Variants in ZFR observed in about 807,000 individuals in gnomAD.
ZFR encodes zinc finger RNA-binding protein.
ZFR carries 19 observed loss-of-function variants against 130.7 expected under a neutral mutation model. The observed-to-expected ratio is 0.15, with a 90% CI of 0.10 to 0.21. ZFR has a LOEUF of 0.21. Ranked by LOEUF, ZFR falls within the 10% of genes least tolerant of loss-of-function variation. ZFR has a pLI of 1.00. For missense variants in ZFR, 872 were observed against 1,321.5 expected, an observed-to-expected ratio of 0.66 and a Z score of 5.27; for synonymous variants, 466 against 456.9, an observed-to-expected ratio of 1.02 and a Z score of -0.25.
intron 5 of ZFR, among the ~76,000 whole-genome samples, chr5:32,408,286 C>G (rs1490312595): frequency 6.9e-6 from 1 of 145,386 alleles, no homozygotes; most frequent in Non-Finnish European, 1.5e-5. Context: ...GTCTGGCATA[C>G]TGCTTCCTGT....
chr5:32,414,390 C>A (rs1386987666), intron 5 of ZFR, among the ~76,000 whole-genome samples: 1 of 152,142 alleles, frequency 6.6e-6, no homozygotes, highest in Non-Finnish European at 1.5e-5. Context: ...TAGAAATTGG[C>A]AACAGCAGTG....
At chr5:32,419,792 C>T (rs1394212988) in intron 3 of ZFR, 29 bp downstream of exon 3, 10 of 1,557,724 alleles carry the variant, frequency 6.4e-6, no homozygotes, top group Non-Finnish European at 6.1e-6. Context: ...CCCGCACATT[C>T]AGGCTACCAA....
chr5:32,355,914 C>T lies in ZFR; in HGVS notation c.3071G>A (p.Arg1024His). ...CATGCCTAGAACTTTGTGTATCTGG[C>T]GGAATGCAAGGAGTCTCAATGCAAA... ...AQFALRLLAF[R>H]QIHKVLGMDP... Residue 1024 changes from arginine to histidine, a missense_variant, in exon 20 of 20, where the codon CGC becomes CAC. Physicochemically the swap from Arg to His is conservative, Grantham distance 29. This residue lies in a region of ZFR where 158 missense variants were observed against 264.0 expected (regional missense o/e 0.60). Coordinates refer to ENST00000265069, the MANE Select transcript of ZFR (RefSeq NM_016107.5). 1 of 1,591,374 alleles carries T rather than the reference C, an allele frequency of 6.3e-7. No individual in the cohort carries two copies. The highest frequency in any genetic ancestry group is 8.5e-7 in the Non-Finnish European group (1 of 1,172,468).
intron 5 of ZFR, among the ~76,000 whole-genome samples, chr5:32,414,709 T>G (rs1284643887): frequency 6.6e-6 from 1 of 152,180 alleles, no homozygotes; most frequent in Non-Finnish European, 1.5e-5. Flanking sequence ...TTCCTTTAAT[T>G]GCAATGCTAA....
chr5:32,411,724 T>C (rs1274493043), intron 5 of ZFR, among the ~76,000 whole-genome samples: 1 of 69,756 alleles, frequency 1.4e-5, no homozygotes, highest in African/African-American at 5.7e-5. Flanking sequence ...GGGCGGGGAA[T>C]AGAAAATATA....
rs1389193125 is a variant in ZFR at position 32,444,105 on chromosome 5, G to A, written c.137+124C>T. The A allele has an allele frequency of 6.5e-6, 7 of 1,074,216 alleles. No individual in the cohort carries two copies. In the African/African-American group the frequency reaches 1.0e-4, roughly 15 times the overall value. 66.5% of individuals were successfully genotyped at this position (1,074,216 alleles called of 1,614,324 possible). A position where few individuals can be genotyped will look rare whatever the true frequency, so the allele number is the denominator to read the frequency against. ...CGGGAGAGGCCGCCGGGCTGGGCCGGGCCAGGCCTGCAGCGGGCCGGGGCT... is the reference window on the plus strand; with the variant it reads ...CGGGAGAGGCCGCCGGGCTGGGCCGAGCCAGGCCTGCAGCGGGCCGGGGCT... On this transcript the variant is annotated intron_variant, in intron 2 of 19. Transcript: ENST00000265069.
chr5:32,380,916 C>T (rs1250849424), intron 15 of ZFR, among the ~76,000 whole-genome samples: 1 of 151,502 alleles, frequency 6.6e-6, no homozygotes, highest in Non-Finnish European at 1.5e-5. Flanking sequence ...TCCCAAAGTG[C>T]TAGGATTACA....
Position 32,367,524 on chromosome 5 carries a change from G to A in ZFR, c.2836-3249C>T, listed in dbSNP as rs184341066. Among the ~76,000 whole-genome samples the A allele has an allele frequency of 7.2e-4, 109 of 152,226 alleles. No individual in the cohort carries two copies. In the Middle Eastern group the frequency reaches 0.01, roughly 14 times the overall value. Reference sequence around the variant, plus strand: ...TAGCCTTGACCTCCCAGGCTCAAGTGATTGACCTCAGCCTCCTGAGTAGCT... The same window carrying A: ...TAGCCTTGACCTCCCAGGCTCAAGTAATTGACCTCAGCCTCCTGAGTAGCT... On this transcript the variant is annotated intron_variant, in intron 17 of 19. Coordinates refer to ENST00000265069, the MANE Select transcript of ZFR (RefSeq NM_016107.5).
At chr5:32,356,787 C>G (rs1033937065) in intron 19 of ZFR, among the ~76,000 whole-genome samples, 2 of 152,110 alleles carry the variant, frequency 1.3e-5, no homozygotes, top group African/African-American at 4.8e-5. Flanking sequence ...CTTAATGTGA[C>G]AAGTTCTGGA....
rs773616780 is a variant in ZFR, at chr5:32,419,971, G to C, written c.270C>G (p.Ala90=). Residue 90 remains alanine (A), a synonymous_variant, in exon 3 of 20, where the codon GCC becomes GCG. Transcript: ENST00000265069. ...CTGCAACAGCTACTGGAGCAGGCCT[G>C]GCAACTGCAACTGTGGCGGCTGCTG... ...YAPAAATVAV[A]RPAPVAVAAA... 6.2e-7 allele frequency: 1 copy of C among 1,613,822 alleles called. No individual in the cohort carries two copies. The highest frequency in any genetic ancestry group is 8.5e-7 in the Non-Finnish European group (1 of 1,180,006).
chr5:32,370,720 G>A (rs563698513), intron 17 of ZFR, among the ~76,000 whole-genome samples: 1 of 152,224 alleles, frequency 6.6e-6, no homozygotes, highest in South Asian at 2.1e-4. Context: ...ATAAGTTACT[G>A]CAGTTATACT....
At chr5:32,397,847 A>ATTTT (rs1753352284) in intron 9 of ZFR, among the ~76,000 whole-genome samples, 1 of 71,126 alleles carries the variant, frequency 1.4e-5, no homozygotes, top group African/African-American at 5.1e-5. Context: ...TTGCTCTTGT[A>ATTTT]TCTTTTTTTT....
At chr5:32,420,249 CAAT>C (rs1396296158) in intron 2 of ZFR, 146 bp from the exon 3 acceptor site, 1 of 819,184 alleles carries the variant, frequency 1.2e-6, no homozygotes, top group African/African-American at 1.7e-5. Flanking sequence ...TACTTGAACT[CAAT>C]AAACTTCCTA....
At chr5:32,409,293 T>C (rs937047313) in intron 5 of ZFR, among the ~76,000 whole-genome samples, 2 of 152,190 alleles carry the variant, frequency 1.3e-5, no homozygotes, top group African/African-American at 4.8e-5. Flanking sequence ...AGCTTTCAAA[T>C]TTAAAACGTT....
chr5:32,409,745 G>C (rs1439980648), intron 5 of ZFR, among the ~76,000 whole-genome samples: 1 of 152,144 alleles, frequency 6.6e-6, no homozygotes, highest in Non-Finnish European at 1.5e-5. Context: ...ATCCATGGTT[G>C]CTGAACCGAT....
chr5:32,425,472 TCTCA>T (rs1470566412), intron 2 of ZFR, among the ~76,000 whole-genome samples: 1 of 152,240 alleles, frequency 6.6e-6, no homozygotes, highest in Non-Finnish European at 1.5e-5. Flanking sequence ...ATGCCTCTCA[TCTCA>T]CTGTTTTTGA....
intron 10 of ZFR, among the ~76,000 whole-genome samples, chr5:32,396,746 TAA>T (rs562823263): frequency 0.019 from 2,843 of 146,590 alleles, 84 homozygotes; most frequent in African/African-American, 0.068. Flanking sequence ...TCCATCTCAT[TAA>T]AAAAAAAAAC....
chr5:32,371,831 AG>A lies in ZFR; in HGVS notation c.2835+7283del, dbSNP rs1489404356. ...AAAATGCAGATAAAAGAAAAAATAA[AG>A]GTAAGATCTTCCAAAGGAATTAGAG... On this transcript the variant is annotated intron_variant, in intron 17 of 19. Coordinates refer to ENST00000265069, the MANE Select transcript of ZFR (RefSeq NM_016107.5). Among the ~76,000 whole-genome samples the A allele has an allele frequency of 2.6e-5, 4 of 152,226 alleles. No individual in the cohort carries two copies. The East Asian group carries it at 7.7e-4, about 29-fold the overall frequency.
chr5:32,415,515 T>TGTGTGTGTGTGTGCGCGCGC (rs1326041688), intron 4 of ZFR, among the ~76,000 whole-genome samples: 2 of 97,936 alleles, frequency 2.0e-5, no homozygotes, highest in East Asian at 6.6e-4. Flanking sequence ...TGTGTGTGTG[T>TGTGTGTGTGTGTGCGCGCGC]GCGCGCGCGC....
Sources: gnomAD v4.1 joint callset for allele counts (sites outside exome capture counted in the v4.1 genomes callset) on GRCh38, gnomAD v4.1.1 for gene constraint, gnomAD v4.1.1 regional missense constraint, MANE v1.5 for transcripts, NCBI Gene and HGNC (gene_info 2026-07-23, HGNC 2026-07-21) for gene names.